Variants in NXN observed in about 807,000 individuals in gnomAD.
NXN encodes nucleoredoxin.
In NXN, 16 loss-of-function variants were observed where a neutral mutation model predicts 48.6. The observed-to-expected ratio is 0.33, with a 90% confidence interval of 0.22 to 0.50. The LOEUF is 0.50. Among genes scored for constraint, NXN ranks in the 20% least tolerant of loss-of-function variants. The probability of loss-of-function intolerance (pLI) is 0.98; values close to 1 mark genes in which losing one functional copy is unlikely to be tolerated. For synonymous variants in NXN, 281 were observed against 269.6 expected (o/e 1.04, Z -0.41); for missense variants, 492 against 605.5 (o/e 0.81, Z 1.97).
At chr17:878,513 G>A (rs1281528614) in intron 1 of NXN, among the ~76,000 whole-genome samples, 1 of 136,886 alleles carries the variant, frequency 7.3e-6, no homozygotes, top group East Asian at 2.2e-4. Flanking sequence ...CTTGAAGGTG[G>A]GGTTTGGGGG....
intron 1 of NXN, 28 bp downstream of exon 1, chr17:979,291 A>AGGGGTAACGGGCGTGGGGGGCGGGCG: frequency 1.5e-6 from 2 of 1,328,520 alleles, no homozygotes; most frequent in Non-Finnish European, 2.0e-6. Flanking sequence ...GGGGGCGGGC[A>AGGGGTAACGGGCGTGGGGGGCGGGCG]GGGGCCGGCG....
In NXN at chr17:830,142, G is replaced by A. The variant is rs1331888459; in HGVS notation, c.361-4064C>T. Among the ~76,000 whole-genome samples, 3 of 152,174 alleles carry A rather than the reference G, an allele frequency of 2.0e-5. No individual in the cohort carries two copies. The highest frequency in any genetic ancestry group is 4.4e-5 in the Non-Finnish European group (3 of 68,044). Reference sequence around the variant, plus strand: ...ACTGATGTGTAGGAGATACGCTGTTGTCAGCACCCTGTGCTTTCCCCGCTA... The same window carrying A: ...ACTGATGTGTAGGAGATACGCTGTTATCAGCACCCTGTGCTTTCCCCGCTA... On this transcript the variant is annotated intron_variant, in intron 1 of 7. Coordinates refer to ENST00000336868, the MANE Select transcript of NXN (RefSeq NM_022463.5). The surrounding 1 kb of genome is among the most constrained non-coding windows in gnomAD (Gnocchi z 4.2).
In NXN at chr17:851,450, C is replaced by T. The variant is rs537618594; in HGVS notation, c.361-25372G>A. Among the ~76,000 whole-genome samples the T allele has an allele frequency of 2.6e-4, 39 of 152,336 alleles. No homozygotes were observed. The South Asian group carries it at 6.8e-3, about 27-fold the overall frequency. On this transcript the variant is annotated intron_variant, in intron 1 of 7. Coordinates refer to ENST00000336868, the MANE Select transcript of NXN (RefSeq NM_022463.5). The stretch of plus-strand genomic sequence containing the variant: ...ATGAATCTGAGGTCACTGTGTCCGC[C>T]GGCCACAAGAAAGGGCAGGTGGAAA...
At chr17:882,526 C>T (rs975835277) in intron 1 of NXN, among the ~76,000 whole-genome samples, 2 of 152,048 alleles carry the variant, frequency 1.3e-5, no homozygotes, top group African/African-American at 2.4e-5. Flanking sequence ...AGTGCAGTGG[C>T]GCAATCTCGG....
intron 1 of NXN, among the ~76,000 whole-genome samples, chr17:915,782 C>A (rs747839965): frequency 8.1e-5 from 8 of 99,050 alleles, no homozygotes; most frequent in Non-Finnish European, 1.2e-4. Flanking sequence ...AGAGCTGGGG[C>A]TTCCAGGTGA....
At chr17:829,230 C>T (rs1408953636) in intron 1 of NXN, among the ~76,000 whole-genome samples, 1 of 151,644 alleles carries the variant, frequency 6.6e-6, no homozygotes, top group East Asian at 1.9e-4. Context: ...GATCTTGGCT[C>T]ACTGCAACCT....
At chr17:868,486 T>C (rs2068116510) in intron 1 of NXN, among the ~76,000 whole-genome samples, 2 of 151,762 alleles carry the variant, frequency 1.3e-5, no homozygotes, top group Admixed American at 1.3e-4. Flanking sequence ...TTTTGGTTTT[T>C]TGTTTGTTTG....
chr17:888,339 C>A (rs1270923055), intron 1 of NXN, among the ~76,000 whole-genome samples: 4 of 152,166 alleles, frequency 2.6e-5, no homozygotes, highest in African/African-American at 9.7e-5. Flanking sequence ...CCACCTCAGC[C>A]TCCTGAGTAG....
rs11367844 is a variant in NXN, at chr17:900,913, CTTTTTTTTTTTTTT to C, written c.361-74849_361-74836del. ...CTTTATGAAAAGATAGATCTGCATT[CTTTTTTTTTTTTTT>C]TTTTTTTTTTGGATGGAGTTTAAGC... On this transcript the variant is annotated intron_variant, in intron 1 of 7. Coordinates refer to ENST00000336868, the MANE Select transcript of NXN (RefSeq NM_022463.5). Among the ~76,000 whole-genome samples, 16 of 75,864 alleles carry C rather than the reference CTTTTTTTTTTTTTT, an allele frequency of 2.1e-4. No individual in the cohort carries two copies. The South Asian group carries it at 3.8e-3, about 18-fold the overall frequency. 49.8% of individuals were successfully genotyped at this position (75,864 alleles called of 152,430 possible).
At chr17:918,263 A>G (rs969033991) in intron 1 of NXN, among the ~76,000 whole-genome samples, 3 of 152,128 alleles carry the variant, frequency 2.0e-5, no homozygotes, top group Non-Finnish European at 4.4e-5. Context: ...CCTGGGCCCA[A>G]AGGGGTCTGG....
intron 1 of NXN, among the ~76,000 whole-genome samples, chr17:946,898 T>C: frequency 6.6e-6 from 1 of 152,242 alleles, no homozygotes; most frequent in East Asian, 1.9e-4. Context: ...TGCAGCCTTC[T>C]GTGGCAGCCT....
At chr17:852,409 C>T (rs1185489154) in intron 1 of NXN, among the ~76,000 whole-genome samples, 1 of 152,174 alleles carries the variant, frequency 6.6e-6, no homozygotes, top group African/African-American at 2.4e-5. Context: ...CATCTTGCTC[C>T]CCAAACTCAA....
intron 1 of NXN, among the ~76,000 whole-genome samples, chr17:908,990 C>T (rs1003455708): frequency 2.6e-5 from 4 of 151,254 alleles, no homozygotes; most frequent in African/African-American, 9.7e-5. Flanking sequence ...TCTGTAGCCT[C>T]AGCTACTCGG....
chr17:812,900 G>T (rs1002785355), intron 5 of NXN, among the ~76,000 whole-genome samples: 2 of 147,728 alleles, frequency 1.4e-5, no homozygotes, highest in Admixed American at 6.8e-5. Flanking sequence ...ATGTAGGTGT[G>T]TGCATGTGTG....
intron 4 of NXN, 25 bp from the exon 5 acceptor site, chr17:819,570 C>T: frequency 5.2e-6 from 8 of 1,524,408 alleles, no homozygotes; most frequent in Non-Finnish European, 7.2e-6. Flanking sequence ...ACGTGGCGGG[C>T]AAGGCTCAGT....
chr17:888,902 C>G (rs886894021), intron 1 of NXN, among the ~76,000 whole-genome samples: 3 of 148,948 alleles, frequency 2.0e-5, no homozygotes, highest in Non-Finnish European at 4.4e-5. Flanking sequence ...TTGCTGTGAG[C>G]TGAGATCGCA....
chr17:799,689 C>G lies in NXN; in HGVS notation c.*1260G>C, dbSNP rs1911102401. 1 of 152,316 alleles carries G rather than the reference C, an allele frequency of 6.6e-6. No individual in the cohort carries two copies. Among genetic ancestry groups the G allele is most frequent in the African/African-American group, 2.4e-5 (1 of 41,472 alleles). 9.4% of individuals were successfully genotyped at this position (152,316 alleles called of 1,614,324 possible). ...GGCCAACAACCTACCTGGGCCGATACAAGGCGACACAAGGCCCACCCGTGG... is the reference window on the plus strand; with the variant it reads ...GGCCAACAACCTACCTGGGCCGATAGAAGGCGACACAAGGCCCACCCGTGG... On this transcript the variant is annotated 3_prime_UTR_variant, in exon 8 of 8. Coordinates refer to ENST00000336868, the MANE Select transcript of NXN (RefSeq NM_022463.5).
intron 5 of NXN, among the ~76,000 whole-genome samples, chr17:805,658 G>A (rs12948023): frequency 0.25 from 36,844 of 145,594 alleles, 4,947 homozygotes; most frequent in Admixed American, 0.31. Flanking sequence ...CCAACATGGT[G>A]AAACCCCCGT....
chr17:903,122 T>G (rs572326164), intron 1 of NXN, among the ~76,000 whole-genome samples: 1 of 152,132 alleles, frequency 6.6e-6, no homozygotes, highest in Non-Finnish European at 1.5e-5. Context: ...TTGAACACAA[T>G]GTATAACTAT....
Sources: gnomAD v4.1 joint callset for allele counts (sites outside exome capture counted in the v4.1 genomes callset) on GRCh38, gnomAD v4.1.1 for gene constraint, Gnocchi (gnomAD v3.1) non-coding constraint, MANE v1.5 for transcripts, NCBI Gene and HGNC (gene_info 2026-07-23, HGNC 2026-07-21) for gene names.